The following CAPZB variants were observed in gnomAD, a reference collection of about 807,000 sequenced individuals.
CAPZB encodes capping actin protein of muscle Z-line subunit beta.
A neutral mutation model predicts 38.1 loss-of-function variants in CAPZB; 2 were observed. The observed-to-expected ratio is 0.05, with a 90% CI of 0.02 to 0.17. The LOEUF is 0.17. CAPZB is among the 10% of genes least tolerant of loss of function. The pLI, the probability that CAPZB is intolerant of heterozygous loss-of-function variation, is 1.00. For missense variants in CAPZB, 161 were observed against 334.2 expected (o/e 0.48, Z 4.04); for synonymous variants, 107 against 127.4 (o/e 0.84, Z 1.08).
At chr1:19,462,237 G>A (rs1265201456) in intron 1 of CAPZB, among the ~76,000 whole-genome samples, 2 of 151,944 alleles carry the variant, frequency 1.3e-5, no homozygotes, top group Non-Finnish European at 2.9e-5. Flanking sequence ...TGGATCACGA[G>A]GTCAGGAGAT....
chr1:19,472,867 G>A (rs375001411), intron 1 of CAPZB, among the ~76,000 whole-genome samples: 2 of 151,952 alleles, frequency 1.3e-5, no homozygotes, highest in African/African-American at 4.8e-5. Flanking sequence ...ACAGGCGCCC[G>A]CCATCACACC....
intron 6 of CAPZB, among the ~76,000 whole-genome samples, chr1:19,349,816 G>C (rs2093982007): frequency 6.6e-6 from 1 of 152,144 alleles, no homozygotes; most frequent in African/African-American, 2.4e-5. Flanking sequence ...GAGGGGCACA[G>C]GGCTCGGTGC....
At chr1:19,346,081 T>G (rs1354571719) in intron 6 of CAPZB, among the ~76,000 whole-genome samples, 2 of 152,182 alleles carry the variant, frequency 1.3e-5, no homozygotes, top group African/African-American at 4.8e-5. Context: ...ATCTGAAGCC[T>G]TATTTCCCTG....
intron 2 of CAPZB, among the ~76,000 whole-genome samples, chr1:19,415,583 C>T (rs1179420015): frequency 2.0e-5 from 3 of 152,232 alleles, no homozygotes; most frequent in Non-Finnish European, 4.4e-5. Flanking sequence ...AAGAAGAAAC[C>T]TCCAGGATCA....
chr1:19,400,635 A>G (rs1242196510), intron 2 of CAPZB, among the ~76,000 whole-genome samples: 1 of 152,190 alleles, frequency 6.6e-6, no homozygotes, highest in Non-Finnish European at 1.5e-5. Context: ...ACCAGAGGGC[A>G]GGATCTAACT....
intron 1 of CAPZB, among the ~76,000 whole-genome samples, chr1:19,467,484 G>C (rs2094572754): frequency 6.6e-6 from 1 of 152,108 alleles, no homozygotes; most frequent in African/African-American, 2.4e-5. Flanking sequence ...TCTAGCCTAA[G>C]TCACCGCTCT....
intron 3 of CAPZB, among the ~76,000 whole-genome samples, chr1:19,380,163 C>T (rs1180010847): frequency 6.6e-6 from 1 of 152,186 alleles, no homozygotes; most frequent in Non-Finnish European, 1.5e-5. Context: ...CTTCCACCAG[C>T]CACCCGCAGG....
intron 4 of CAPZB, among the ~76,000 whole-genome samples, chr1:19,372,254 A>G (rs1012429713): frequency 3.3e-5 from 5 of 152,248 alleles, no homozygotes; most frequent in Non-Finnish European, 7.3e-5. Context: ...AAATTAACTT[A>G]TAAGGCCAAT....
intron 4 of CAPZB, among the ~76,000 whole-genome samples, chr1:19,368,512 A>C (rs1257487717): frequency 4.0e-5 from 6 of 150,036 alleles, no homozygotes; most frequent in Non-Finnish European, 5.9e-5. Flanking sequence ...AAAAAAAAAA[A>C]AACGGTGGAG....
chr1:19,466,498 G>A (rs1397424982), intron 1 of CAPZB, among the ~76,000 whole-genome samples: 1 of 152,202 alleles, frequency 6.6e-6, no homozygotes, highest in Admixed American at 6.5e-5. Flanking sequence ...GAGGGGCTGA[G>A]TAACCTCGAG....
intron 1 of CAPZB, among the ~76,000 whole-genome samples, chr1:19,432,852 G>A (rs1316406837): frequency 6.6e-6 from 1 of 152,180 alleles, no homozygotes; most frequent in Non-Finnish European, 1.5e-5. Context: ...GGAACAACTT[G>A]CAAGCTCACA....
At chr1:19,452,793 C>CTTTTT (rs34430556) in intron 1 of CAPZB, among the ~76,000 whole-genome samples, 6 of 118,432 alleles carry the variant, frequency 5.1e-5, no homozygotes, top group Non-Finnish European at 5.2e-5. Flanking sequence ...TAATTTCTTT[C>CTTTTT]TTTTTTTTTT....
intron 2 of CAPZB, among the ~76,000 whole-genome samples, chr1:19,407,852 G>C (rs1277721248): frequency 6.6e-6 from 1 of 152,170 alleles, no homozygotes; most frequent in East Asian, 1.9e-4. Context: ...AGGAAGAGGA[G>C]GGGGAGAGAC....
intron 8 of CAPZB, among the ~76,000 whole-genome samples, chr1:19,343,929 C>A (rs2093946747): frequency 6.6e-6 from 1 of 152,310 alleles, no homozygotes; most frequent in East Asian, 1.9e-4. Flanking sequence ...AAGGCCCGGA[C>A]TGAGGGCCCT....
At chr1:19,445,366 CT>C (rs34332615) in intron 1 of CAPZB, among the ~76,000 whole-genome samples, 66,407 of 148,614 alleles carry the variant, frequency 0.45, 15,044 homozygotes, top group African/African-American at 0.55. Flanking sequence ...TTTTGAGTGA[CT>C]TTTTTTTTTT....
chr1:19,438,229 C>G lies in CAPZB; in HGVS notation c.4-18479G>C, dbSNP rs10158269. Among the ~76,000 whole-genome samples the G allele has an allele frequency of 6.5e-3, 982 of 152,166 alleles. 14 individuals carry two copies. Among genetic ancestry groups the G allele is most frequent in the African/African-American group, 0.022 (928 of 41,476 alleles). Reference sequence around the variant, plus strand: ...AGAGGCTGGAAAACTAGGGAGTGCGCGATCAGAGACGGGAGGCTGGGGAGA... The same window carrying G: ...AGAGGCTGGAAAACTAGGGAGTGCGGGATCAGAGACGGGAGGCTGGGGAGA... On this transcript the variant is annotated intron_variant, in intron 1 of 8. Coordinates refer to ENST00000264202, the MANE Select transcript of CAPZB (RefSeq NM_004930.5).
chr1:19,482,876 T>C (rs1179935069), intron 1 of CAPZB, among the ~76,000 whole-genome samples: 2 of 152,174 alleles, frequency 1.3e-5, no homozygotes, highest in African/African-American at 2.4e-5. Context: ...GGTCAGAGTA[T>C]TCAAATAGGG....
intron 2 of CAPZB, among the ~76,000 whole-genome samples, chr1:19,389,490 C>T (rs56024724): frequency 0.013 from 1,991 of 152,094 alleles, 44 homozygotes; most frequent in African/African-American, 0.045. Context: ...TGCAGTGGCG[C>T]GATCTCGGCT....
In CAPZB at chr1:19,485,465, T is replaced by G; in HGVS notation, c.-27A>C. ...GTGGCGGCGGCGGCGGCGGTCCCGG[T>G]CCCGGCGTCAGTGGCTCTCCCCCCC... On this transcript the variant is annotated 5_prime_UTR_variant, in exon 1 of 9. Transcript: ENST00000264202. 1 of 1,227,162 alleles carries G rather than the reference T, an allele frequency of 8.1e-7. No homozygotes were observed. Among genetic ancestry groups the G allele is most frequent in the Non-Finnish European group, 1.0e-6 (1 of 985,794 alleles). The allele number at this position is 1,227,162 out of a possible 1,614,324, so 76.0% of individuals were successfully genotyped here.
Sources: allele counts gnomAD v4.1 joint callset (sites outside exome capture counted in the v4.1 genomes callset), GRCh38; gene constraint gnomAD v4.1.1; transcripts MANE v1.5; gene names NCBI Gene and HGNC (gene_info 2026-07-23, HGNC 2026-07-21).